The following RASAL2 variants were observed in gnomAD, a reference collection of about 807,000 sequenced individuals.
The protein encoded by RASAL2 is RAS protein activator like 2, also known as ras GTPase-activating protein nGAP.
In RASAL2, 58 loss-of-function variants were observed where a neutral mutation model predicts 128.9. The observed-to-expected ratio is 0.45, with a 90% CI of 0.36 to 0.56. The LOEUF is 0.56. Among genes scored for constraint, RASAL2 ranks in the 20% least tolerant of loss-of-function variants. The pLI is 0.00. For synonymous variants in RASAL2, 561 were observed against 580.8 expected, an observed-to-expected ratio of 0.97 and a Z score of 0.49; for missense variants, 1,360 against 1,601.6, an observed-to-expected ratio of 0.85 and a Z score of 2.57.
chr1:178,452,345 A>G (rs1381532603), intron 10 of RASAL2, 71 bp from the exon 11 acceptor site: 2 of 1,294,694 alleles, frequency 1.5e-6, no homozygotes, highest in African/African-American at 1.5e-5. Flanking sequence ...ATATTGGGTC[A>G]GGGTGGAATC....
rs775815918 is a variant in RASAL2, at chr1:178,341,593, A to C, written c.457+41475A>C. 1.9e-6 allele frequency: 3 copies of C among 1,614,040 alleles called. No homozygotes were observed. In the South Asian group the frequency reaches 3.3e-5, roughly 18 times the overall value. On this transcript the variant is annotated intron_variant, in intron 3 of 17. Transcript: ENST00000367649. ...ATGTTAGCACACCCAGAAACTTCAC[A>C]CGATGCAGACCCCAGGTAAGAGTTT...
chr1:178,187,508 A>C (rs1202799072), intron 1 of RASAL2, among the ~76,000 whole-genome samples: 1 of 151,546 alleles, frequency 6.6e-6, no homozygotes, highest in Non-Finnish European at 1.5e-5. Context: ...CTACTGACTG[A>C]TTTTCTTTTT....
chr1:178,172,390 A>G (rs1470716770), intron 1 of RASAL2, among the ~76,000 whole-genome samples: 1 of 151,974 alleles, frequency 6.6e-6, no homozygotes, highest in Non-Finnish European at 1.5e-5. Flanking sequence ...ATATTCTACA[A>G]ATTAATCCTG....
chr1:178,154,158 T>TA (rs1168529817), intron 1 of RASAL2, among the ~76,000 whole-genome samples: 2 of 150,258 alleles, frequency 1.3e-5, no homozygotes, highest in Non-Finnish European at 3.0e-5. Context: ...TTTTTTTTTT[T>TA]ATTAAAGAGA....
At chr1:178,403,174 G>A (rs1348709106) in intron 4 of RASAL2, among the ~76,000 whole-genome samples, 4 of 152,120 alleles carry the variant, frequency 2.6e-5, no homozygotes, top group South Asian at 2.1e-4. Flanking sequence ...GAACTGAAGT[G>A]TTCTACAGAA....
At chr1:178,142,111 C>T (rs1660554445) in intron 1 of RASAL2, among the ~76,000 whole-genome samples, 1 of 152,108 alleles carries the variant, frequency 6.6e-6, no homozygotes, top group African/African-American at 2.4e-5. Context: ...AAGGTTGTTG[C>T]TTGAAGAGCA....
chr1:178,164,273 G>A (rs1270358422), intron 1 of RASAL2, among the ~76,000 whole-genome samples: 3 of 152,048 alleles, frequency 2.0e-5, no homozygotes, highest in Admixed American at 2.0e-4. Flanking sequence ...CAAAAATGCG[G>A]CACTTTTCTG....
chr1:178,278,965 C>T (rs1210198138), intron 1 of RASAL2, among the ~76,000 whole-genome samples: 1 of 152,116 alleles, frequency 6.6e-6, no homozygotes, highest in Admixed American at 6.5e-5. Context: ...GTTGTTGTTT[C>T]CTTGCCAAGT....
At chr1:178,190,651 C>G (rs1662460830) in intron 1 of RASAL2, among the ~76,000 whole-genome samples, 1 of 151,804 alleles carries the variant, frequency 6.6e-6, no homozygotes, top group Non-Finnish European at 1.5e-5. Flanking sequence ...GTGAAAGATT[C>G]TGACTTGAGG....
chr1:178,436,348 G>GACA (rs1420070995), intron 5 of RASAL2, among the ~76,000 whole-genome samples: 50 of 152,148 alleles, frequency 3.3e-4, no homozygotes, highest in South Asian at 6.2e-4. Context: ...TCTGAACTAT[G>GACA]TATTAATTAA....
At chr1:178,306,357 T>C (rs1667989574) in intron 3 of RASAL2, among the ~76,000 whole-genome samples, 1 of 152,206 alleles carries the variant, frequency 6.6e-6, no homozygotes, top group African/African-American at 2.4e-5. Flanking sequence ...GCAATAAACA[T>C]ATGTATGCAT....
intron 1 of RASAL2, among the ~76,000 whole-genome samples, chr1:178,180,835 C>T (rs2101928602): frequency 6.6e-6 from 1 of 151,416 alleles, no homozygotes; most frequent in Middle Eastern, 3.4e-3. Flanking sequence ...AAAAAACCCA[C>T]AATTTATTCT....
intron 3 of RASAL2, among the ~76,000 whole-genome samples, chr1:178,339,016 G>A (rs992171377): frequency 1.3e-5 from 2 of 152,166 alleles, no homozygotes; most frequent in Non-Finnish European, 2.9e-5. Flanking sequence ...ATGGATGGAT[G>A]GATGAATATA....
chr1:178,475,329 AG>A lies in RASAL2; in HGVS notation c.*2093del, dbSNP rs1648593672. On this transcript the variant is annotated 3_prime_UTR_variant, in exon 18 of 18. Transcript: ENST00000367649. ...ATTCTTACACCTTCTCTCCAAGCGGAGGGCACACTGTGGTCAAAATCACTTA... is the reference window on the plus strand; with the variant it reads ...ATTCTTACACCTTCTCTCCAAGCGGAGGCACACTGTGGTCAAAATCACTTA... The A allele has an allele frequency of 6.6e-6, 1 of 152,176 alleles. No individual in the cohort carries two copies. The highest frequency in any genetic ancestry group is 2.1e-4 in the South Asian group (1 of 4,826). 9.4% of individuals were successfully genotyped at this position (152,176 alleles called of 1,614,324 possible). A position where few individuals can be genotyped will look rare whatever the true frequency, so the allele number is the denominator to read the frequency against.
At chr1:178,470,503 G>A (rs776253014) in intron 17 of RASAL2, among the ~76,000 whole-genome samples, 4 of 152,136 alleles carry the variant, frequency 2.6e-5, no homozygotes, top group Admixed American at 6.6e-5. Flanking sequence ...GTGATCATAA[G>A]GATCCATTTC....
chr1:178,466,346 T>A (rs762652601), intron 16 of RASAL2, among the ~76,000 whole-genome samples: 2 of 152,206 alleles, frequency 1.3e-5, no homozygotes, highest in Non-Finnish European at 2.9e-5. Flanking sequence ...TTAGAAAAAA[T>A]TAAAACTTGG....
chr1:178,230,177 A>G (rs547829074), intron 1 of RASAL2, among the ~76,000 whole-genome samples: 3 of 152,260 alleles, frequency 2.0e-5, no homozygotes, highest in Admixed American at 6.5e-5. Flanking sequence ...TTGTATGAAA[A>G]CACCACAATG....
intron 3 of RASAL2, among the ~76,000 whole-genome samples, chr1:178,348,919 C>T (rs977025677): frequency 4.6e-5 from 7 of 151,422 alleles, no homozygotes. Context: ...CCTGCCTCAG[C>T]CTCCCAAGTA....
At position 178,474,770 on chromosome 1, in the gene RASAL2, G is replaced by T. The variant is rs1648553861; in HGVS notation, c.*1531G>T. ...AAGTTCATGCCTTCTATGCTGTTCA[G>T]ATATAATGTTAAAAGGGTCTCAAAC... On this transcript the variant is annotated 3_prime_UTR_variant, in exon 18 of 18. Transcript: ENST00000367649. The T allele has an allele frequency of 6.6e-6, 1 of 152,004 alleles. No individual in the cohort carries two copies. The highest frequency in any genetic ancestry group is 2.1e-4 in the South Asian group (1 of 4,820). 9.4% of individuals were successfully genotyped at this position (152,004 alleles called of 1,614,324 possible).
Sources: gnomAD v4.1 joint callset for allele counts (sites outside exome capture counted in the v4.1 genomes callset) on GRCh38, gnomAD v4.1.1 for gene constraint, MANE v1.5 for transcripts, NCBI Gene and HGNC (gene_info 2026-07-23, HGNC 2026-07-21) for gene names.